ULK4: variants seen among roughly 807,000 people sequenced by gnomAD.
ULK4 encodes the protein inactive serine/threonine-protein kinase ULK4.
In ULK4, 133 loss-of-function variants were observed where a neutral mutation model predicts 160.6. The observed-to-expected ratio is 0.83, with a 90% CI of 0.72 to 0.96. The LOEUF (loss-of-function observed/expected upper bound fraction) is 0.96. Ranked by LOEUF, ULK4 falls within the 40% of genes least tolerant of loss-of-function variation. The pLI is 0.00. For synonymous variants in ULK4, 534 were observed against 539.8 expected (o/e 0.99, Z 0.15); for missense variants, 1,580 against 1,499.5 (o/e 1.05, Z -0.89).
chr3:41,656,395 C>T lies in ULK4; in HGVS notation c.3071+7212G>A, dbSNP rs550702145. 8.5e-5 allele frequency among the ~76,000 whole-genome samples: 13 copies of T among 152,176 alleles called. No homozygotes were observed. In the East Asian group the frequency reaches 1.9e-3, roughly 23 times the overall value. ...TACTTGGGTTAAATTCCTTTAGATGCTACCATCATCAAAAGACATGGCATT... is the reference window on the plus strand; with the variant it reads ...TACTTGGGTTAAATTCCTTTAGATGTTACCATCATCAAAAGACATGGCATT... On this transcript the variant is annotated intron_variant, in intron 30 of 36. Transcript: ENST00000301831.
At chr3:41,910,854 T>C (rs1698757767) in intron 11 of ULK4, among the ~76,000 whole-genome samples, 1 of 152,046 alleles carries the variant, frequency 6.6e-6, no homozygotes, top group African/African-American at 2.4e-5. Context: ...TCATAGCTAC[T>C]TGAGAGGCTA....
chr3:41,365,882 T>A (rs996072772), intron 35 of ULK4, among the ~76,000 whole-genome samples: 1 of 152,188 alleles, frequency 6.6e-6, no homozygotes, highest in African/African-American at 2.4e-5. Context: ...GATGACTGAT[T>A]TTCTTGATTA....
At chr3:41,921,340 G>A (rs55820810) in intron 5 of ULK4, among the ~76,000 whole-genome samples, 19,154 of 151,676 alleles carry the variant, frequency 0.13, 1,391 homozygotes, top group Middle Eastern at 0.27. Flanking sequence ...GGCCGGGCAC[G>A]GTGGCTCACA....
At chr3:41,685,356 TCACCCTCACCAGAG>T (rs2036066607) in intron 27 of ULK4, among the ~76,000 whole-genome samples, 1 of 152,126 alleles carries the variant, frequency 6.6e-6, no homozygotes, top group Admixed American at 6.5e-5. Flanking sequence ...TGGCTTCAGC[TCACCCTCACCAGAG>T]CATTCTTTAA....
intron 22 of ULK4, among the ~76,000 whole-genome samples, chr3:41,750,972 A>G (rs1474354405): frequency 1.5e-5 from 2 of 136,046 alleles, no homozygotes; most frequent in South Asian, 2.5e-4. Flanking sequence ...AAAAAAAAAA[A>G]AGAGAGAGAG....
intron 32 of ULK4, among the ~76,000 whole-genome samples, chr3:41,510,211 C>G (rs1037022648): frequency 9.9e-5 from 15 of 152,044 alleles, no homozygotes; most frequent in Non-Finnish European, 2.1e-4. Flanking sequence ...AACATTAAAG[C>G]AAGAGAAGTT....
At chr3:41,335,442 T>C (rs2080534154) in intron 35 of ULK4, among the ~76,000 whole-genome samples, 1 of 152,210 alleles carries the variant, frequency 6.6e-6, no homozygotes, top group Non-Finnish European at 1.5e-5. Context: ...TCATCAAGTT[T>C]AATGGGGTTG....
At chr3:41,935,723 A>G (rs1200861594) in intron 4 of ULK4, 78 bp downstream of exon 4, 1 of 1,484,016 alleles carries the variant, frequency 6.7e-7, no homozygotes, top group African/African-American at 1.4e-5. Context: ...AATTTTATCC[A>G]AAAATAACAA....
intron 11 of ULK4, among the ~76,000 whole-genome samples, chr3:41,910,082 G>C (rs1289903365): frequency 6.6e-6 from 1 of 151,984 alleles, no homozygotes; most frequent in Non-Finnish European, 1.5e-5. Context: ...TCTTAGCAGA[G>C]ACGGGTTTTC....
At chr3:41,346,300 T>C (rs72864979) in intron 35 of ULK4, among the ~76,000 whole-genome samples, 4,425 of 152,284 alleles carry the variant, frequency 0.029, 181 homozygotes, top group African/African-American at 0.093. Flanking sequence ...CCACCACTCA[T>C]GCTGGGCCAC....
chr3:41,665,232 T>C (rs992235454), intron 29 of ULK4, among the ~76,000 whole-genome samples: 14 of 152,122 alleles, frequency 9.2e-5, no homozygotes, highest in Admixed American at 8.5e-4. Context: ...AGCCTAATTA[T>C]ATAGCCTGTA....
intron 32 of ULK4, among the ~76,000 whole-genome samples, chr3:41,482,510 A>T (rs2084364333): frequency 1.3e-5 from 2 of 152,174 alleles, no homozygotes; most frequent in African/African-American, 4.8e-5. Context: ...TGGGACATAA[A>T]AATAGTTCTT....
chr3:41,858,669 G>GTT (rs1553675928), intron 17 of ULK4, among the ~76,000 whole-genome samples: 5,334 of 126,938 alleles, frequency 0.042, 359 homozygotes, highest in African/African-American at 0.18. Flanking sequence ...ATTTTTGTGT[G>GTT]ATTTTTTTTT....
rs1553629446 is a variant in ULK4 at position 41,661,510 on chromosome 3, T to TGATA, written c.3071+2093_3071+2096dup. Among the ~76,000 whole-genome samples, 186 of 119,270 alleles carry TGATA rather than the reference T, an allele frequency of 1.6e-3. 2 individuals carry two copies. In the East Asian group the frequency reaches 0.017, roughly 11 times the overall value. The allele number at this position is 119,270 out of a possible 152,430, so 78.2% of individuals were successfully genotyped here. On this transcript the variant is annotated intron_variant, in intron 30 of 36. Transcript: ENST00000301831. ...GCAGATAGACAGATAGATAGATAGA[T>TGATA]GATAGATAGATAGATAGATAAATAG...
intron 34 of ULK4, among the ~76,000 whole-genome samples, chr3:41,433,324 C>T (rs1477142397): frequency 6.6e-6 from 1 of 152,110 alleles, no homozygotes; most frequent in African/African-American, 2.4e-5. Context: ...CAAAATGTTA[C>T]AATTTCAGAA....
At chr3:41,388,960 T>C (rs1265760572) in intron 35 of ULK4, among the ~76,000 whole-genome samples, 4 of 151,980 alleles carry the variant, frequency 2.6e-5, no homozygotes, top group African/African-American at 9.7e-5. Context: ...GTAAATTACC[T>C]TGGGTATTAT....
At chr3:41,774,702 A>G (rs1195459018) in intron 21 of ULK4, among the ~76,000 whole-genome samples, 2 of 150,294 alleles carry the variant, frequency 1.3e-5, no homozygotes, top group Non-Finnish European at 2.9e-5. Context: ...ATACCATTTG[A>G]CCCAGCCATC....
chr3:41,789,749 G>A lies in ULK4; in HGVS notation c.2105C>T (p.Ala702Val), dbSNP rs755519406. The change falls in exon 21 of 37, where the codon GCC (alanine) becomes GTC (valine). Residue 702 changes from alanine (A) to valine (V), a missense_variant. Physicochemically the swap from Ala to Val is moderately conservative, Grantham distance 64. Coordinates refer to ENST00000301831, the MANE Select transcript of ULK4 (RefSeq NM_017886.4). ...CATGTACTGCTGAACTTTGCAGATG[G>A]CAGAGGCCAGGGAGTTTATTACTGA... ...LNSVINSLAS[A>V]ICKVQQYMLT... 2.5e-6 allele frequency: 4 copies of A among 1,613,778 alleles called. No individual in the cohort carries two copies. Among genetic ancestry groups the A allele is most frequent in the Non-Finnish European group, 3.4e-6 (4 of 1,179,820 alleles).
intron 34 of ULK4, among the ~76,000 whole-genome samples, chr3:41,441,861 G>A (rs1311541976): frequency 6.6e-6 from 1 of 152,046 alleles, no homozygotes; most frequent in Non-Finnish European, 1.5e-5. Context: ...TGCTTCATGT[G>A]GTTTGTTTAG....
Sources: allele counts gnomAD v4.1 joint callset (sites outside exome capture counted in the v4.1 genomes callset), GRCh38; gene constraint gnomAD v4.1.1; transcripts MANE v1.5; gene names NCBI Gene and HGNC (gene_info 2026-07-23, HGNC 2026-07-21).